LYPLAL1: variants seen among roughly 807,000 people sequenced by gnomAD.
The protein encoded by LYPLAL1 is lysophospholipase like 1.
LYPLAL1 carries 23 observed loss-of-function variants against 19.7 expected under a neutral mutation model. The observed-to-expected ratio is 1.17, with a 90% confidence interval of 0.84 to 1.65. The LOEUF (loss-of-function observed/expected upper bound fraction) is 1.65, where lower values mean the gene tolerates loss of function less well. Ranked by LOEUF, LYPLAL1 falls within the 40% of genes most tolerant of loss-of-function variation. LYPLAL1 has a pLI of 0.00. For synonymous variants in LYPLAL1, 119 were observed against 96.3 expected (o/e 1.24, Z -1.38); for missense variants, 355 against 279.4 (o/e 1.27, Z -1.93).
chr1:219,417,138 C>T, the LYPLAL1 span, among the ~76,000 whole-genome samples: 12 of 152,146 alleles, frequency 7.9e-5, no homozygotes, highest in Non-Finnish European at 1.6e-4. Flanking sequence ...TGTGCACAGC[C>T]CACACTTAAG....
the LYPLAL1 span, among the ~76,000 whole-genome samples, chr1:219,443,565 T>C: frequency 6.6e-6 from 1 of 152,142 alleles, no homozygotes; most frequent in African/African-American, 2.4e-5. Context: ...TCTTGGACAA[T>C]AGGTTCTTGG....
intron 2 of LYPLAL1, among the ~76,000 whole-genome samples, chr1:219,189,935 A>G (rs1433524977): frequency 6.6e-6 from 1 of 151,696 alleles, no homozygotes; most frequent in East Asian, 1.9e-4. Context: ...CACAGACTAG[A>G]GTAATGATAG....
chr1:219,233,678 GA>G, the LYPLAL1 span, among the ~76,000 whole-genome samples: 10 of 152,050 alleles, frequency 6.6e-5, no homozygotes, highest in East Asian at 1.5e-3. Context: ...GCTGGGGCAG[GA>G]GGATGGCTTG....
In LYPLAL1 at chr1:219,179,235, A is replaced by G; in HGVS notation, c.180A>G (p.Thr60=). Residue 60 remains threonine, a synonymous_variant, in exon 2 of 5, where the codon ACA becomes ACG. Transcript: ENST00000366928. The part of the protein sequence containing the change: ...TFQHIKIIYP[T]APPRSYTPMK... ...AACACATAAAAATTATTTATCCAAC[A>G]GCTCCTCCCAGGTATGCAGTAATTT... The G allele has an allele frequency of 6.2e-7, 1 of 1,607,058 alleles. No homozygotes were observed. The highest frequency in any genetic ancestry group is 2.2e-5 in the East Asian group (1 of 44,690).
the LYPLAL1 span, among the ~76,000 whole-genome samples, chr1:219,315,670 A>G: frequency 6.6e-6 from 1 of 152,160 alleles, no homozygotes; most frequent in African/African-American, 2.4e-5. Flanking sequence ...CTCCAATACA[A>G]CTGGTTTCAC....
At chr1:219,382,648 C>T in the LYPLAL1 span, among the ~76,000 whole-genome samples, 4 of 152,060 alleles carry the variant, frequency 2.6e-5, no homozygotes, top group Admixed American at 1.3e-4. Context: ...AGGCATGAGC[C>T]ACTGCACCCA....
At chr1:219,342,461 A>G in the LYPLAL1 span, among the ~76,000 whole-genome samples, 3 of 152,080 alleles carry the variant, frequency 2.0e-5, no homozygotes, top group African/African-American at 4.8e-5. Flanking sequence ...GAACCTGCAC[A>G]AGGAAGTGCT....
chr1:219,317,257 T>C, the LYPLAL1 span, among the ~76,000 whole-genome samples: 1 of 152,194 alleles, frequency 6.6e-6, no homozygotes, highest in Non-Finnish European at 1.5e-5. Context: ...CCTTAGCATG[T>C]CAGCAAGGAC....
chr1:219,397,523 G>T, the LYPLAL1 span, among the ~76,000 whole-genome samples: 4 of 152,118 alleles, frequency 2.6e-5, no homozygotes, highest in Non-Finnish European at 5.9e-5. Context: ...GCCACTCTGT[G>T]CCCTTTAATT....
the LYPLAL1 span, among the ~76,000 whole-genome samples, chr1:219,249,563 CA>C: frequency 4.0e-5 from 6 of 151,898 alleles, no homozygotes; most frequent in Non-Finnish European, 8.8e-5. Flanking sequence ...AATGCTGGAT[CA>C]TAGGTGATGC....
At chr1:219,445,076 A>G in the LYPLAL1 span, among the ~76,000 whole-genome samples, 884 of 152,282 alleles carry the variant, frequency 5.8e-3, 7 homozygotes, top group African/African-American at 0.021. Context: ...AATAAAAAAA[A>G]AAAACAAGGA....
chr1:219,333,392 C>G, the LYPLAL1 span, among the ~76,000 whole-genome samples: 4,932 of 151,964 alleles, frequency 0.032, 262 homozygotes, highest in African/African-American at 0.11. Flanking sequence ...TCAGGAGTTG[C>G]ACAGTAGGCA....
At chr1:219,419,594 C>CAGAGAGAGAGAGAGAGAGAGAGAGAGAG in the LYPLAL1 span, among the ~76,000 whole-genome samples, 2 of 99,530 alleles carry the variant, frequency 2.0e-5, no homozygotes, top group African/African-American at 8.0e-5. Context: ...CACACACACA[C>CAGAGAGAGAGAGAGAGAGAGAGAGAGAG]AGAGAGAGAG....
chr1:219,343,669 G>A, the LYPLAL1 span, among the ~76,000 whole-genome samples: 311 of 152,154 alleles, frequency 2.0e-3, 2 homozygotes, highest in African/African-American at 7.3e-3. Flanking sequence ...AATAAACTAC[G>A]AACATTTCTC....
At chr1:219,330,888 A>G in the LYPLAL1 span, among the ~76,000 whole-genome samples, 1 of 152,158 alleles carries the variant, frequency 6.6e-6, no homozygotes, top group Admixed American at 6.5e-5. Context: ...GTCTGAGGTA[A>G]CAAGCCTTGT....
chr1:219,435,754 A>G, the LYPLAL1 span, among the ~76,000 whole-genome samples: 1 of 151,828 alleles, frequency 6.6e-6, no homozygotes, highest in South Asian at 2.1e-4. Context: ...TGAACCCGGG[A>G]GGTGGAGGTT....
the LYPLAL1 span, among the ~76,000 whole-genome samples, chr1:219,347,581 C>A: frequency 6.6e-6 from 1 of 152,048 alleles, no homozygotes; most frequent in Non-Finnish European, 1.5e-5. Flanking sequence ...TTTTGTTTTC[C>A]CTTTTATTCA....
chr1:219,181,249 T>TA (rs1216141543), intron 2 of LYPLAL1, among the ~76,000 whole-genome samples: 3 of 152,166 alleles, frequency 2.0e-5, no homozygotes, highest in African/African-American at 4.8e-5. Context: ...GCTAAATAAT[T>TA]ACACTGAAAT....
At chr1:219,371,401 T>C in the LYPLAL1 span, among the ~76,000 whole-genome samples, 1 of 152,210 alleles carries the variant, frequency 6.6e-6, no homozygotes, top group African/African-American at 2.4e-5. Flanking sequence ...AAATTTCTTA[T>C]GCTCTTTCTG....
Sources: allele counts gnomAD v4.1 joint callset (sites outside exome capture counted in the v4.1 genomes callset), GRCh38; gene constraint gnomAD v4.1.1; transcripts MANE v1.5; gene names NCBI Gene and HGNC (gene_info 2026-07-23, HGNC 2026-07-21).